CHN1: variants seen among roughly 807,000 people sequenced by gnomAD.
CHN1 encodes the protein N-chimaerin.
A neutral mutation model predicts 59.5 loss-of-function variants in CHN1; 37 were observed. That is an observed-to-expected ratio of 0.62 (90% confidence interval 0.48 to 0.82). CHN1 has a LOEUF of 0.82. Among genes scored for constraint, CHN1 ranks in the 40% least tolerant of loss-of-function variants. CHN1 has a pLI of 0.00. For synonymous variants in CHN1, 206 were observed against 200.4 expected, an observed-to-expected ratio of 1.03 and a Z score of -0.24; for missense variants, 469 against 571.0, an observed-to-expected ratio of 0.82 and a Z score of 1.82.
chr2:174,893,377 T>A (rs1452716537), intron 5 of CHN1, among the ~76,000 whole-genome samples: 1 of 152,034 alleles, frequency 6.6e-6, no homozygotes, highest in East Asian at 1.9e-4. Context: ...TACAAGAGTA[T>A]CAAAAAGAAT....
chr2:174,812,295 T>TGCAA lies in CHN1; in HGVS notation c.886+10_886+13dup. On this transcript the variant is annotated intron_variant, in intron 9 of 12. Coordinates refer to ENST00000409900, the MANE Select transcript of CHN1 (RefSeq NM_001822.7). ...GAACGGAGACCACTGCAACCCGCACTGCAAATGGCTCACCTCTAGACTCAA... is the reference window on the plus strand; with the variant it reads ...GAACGGAGACCACTGCAACCCGCACTGCAAGCAAATGGCTCACCTCTAGACTCAA... 1 of 1,600,310 alleles carries TGCAA rather than the reference T, an allele frequency of 6.2e-7. No homozygotes were observed. Among genetic ancestry groups the TGCAA allele is most frequent in the Non-Finnish European group, 8.5e-7 (1 of 1,170,740 alleles).
chr2:174,873,567 A>G (rs1687473680), intron 6 of CHN1, among the ~76,000 whole-genome samples: 1 of 152,226 alleles, frequency 6.6e-6, no homozygotes, highest in South Asian at 2.1e-4. Flanking sequence ...GACTAAGCCA[A>G]TTAACAAAGC....
chr2:174,848,250 A>C (rs2105438087), intron 6 of CHN1, among the ~76,000 whole-genome samples: 1 of 152,260 alleles, frequency 6.6e-6, no homozygotes, highest in South Asian at 2.1e-4. Flanking sequence ...AGGCCAGGTC[A>C]TAGTGGAAGC....
chr2:174,849,771 T>A (rs771273491), intron 6 of CHN1, among the ~76,000 whole-genome samples: 2 of 152,116 alleles, frequency 1.3e-5, no homozygotes, highest in Non-Finnish European at 2.9e-5. Flanking sequence ...AGGCATAAAT[T>A]ATCTTAATTT....
chr2:174,988,907 A>T (rs1691445409), intron 1 of CHN1, among the ~76,000 whole-genome samples: 2 of 152,210 alleles, frequency 1.3e-5, no homozygotes, highest in African/African-American at 4.8e-5. Context: ...TCTGCATTCA[A>T]ATCGTAAGTC....
chr2:174,919,914 A>T (rs1688958693), intron 3 of CHN1, among the ~76,000 whole-genome samples: 1 of 152,110 alleles, frequency 6.6e-6, no homozygotes, highest in African/African-American at 2.4e-5. Context: ...TCCTTTAACC[A>T]ATATCTCCTG....
intron 5 of CHN1, among the ~76,000 whole-genome samples, chr2:174,905,063 G>A (rs1688505418): frequency 6.6e-6 from 1 of 152,126 alleles, no homozygotes; most frequent in African/African-American, 2.4e-5. Flanking sequence ...ATGCCTGGAA[G>A]AGTAAAGATT....
rs1461277192 is a variant in CHN1 at position 174,834,746 on chromosome 2, CCTAA to C, written c.628-10232_628-10229del. ...GTTTCCTCAAAGTTGACATATCTGT[CCTAA>C]CTAAAATAATCCTCGAAGATATTAA... On this transcript the variant is annotated intron_variant, in intron 7 of 12. Coordinates refer to ENST00000409900, the MANE Select transcript of CHN1 (RefSeq NM_001822.7). 5.3e-5 allele frequency among the ~76,000 whole-genome samples: 8 copies of C among 152,196 alleles called. No individual in the cohort carries two copies. In the South Asian group the frequency reaches 1.5e-3, roughly 28 times the overall value.
intron 8 of CHN1, among the ~76,000 whole-genome samples, chr2:174,821,084 G>A (rs987028210): frequency 2.6e-5 from 4 of 152,150 alleles, no homozygotes; most frequent in African/African-American, 9.7e-5. Context: ...TACAATTGCT[G>A]CTATAACAAA....
intron 2 of CHN1, among the ~76,000 whole-genome samples, chr2:174,948,180 T>G (rs2105408547): frequency 6.6e-6 from 1 of 152,308 alleles, no homozygotes; most frequent in Non-Finnish European, 1.5e-5. Flanking sequence ...GTCTTTTACA[T>G]TTGAGTAGGT....
rs574385498 is a variant in CHN1 at position 174,923,905 on chromosome 2, T to G, written c.115-5340A>C. On this transcript the variant is annotated intron_variant, in intron 3 of 12. Coordinates refer to ENST00000409900, the MANE Select transcript of CHN1 (RefSeq NM_001822.7). ...AAGCACTGATAATTAAGAGTATTTTTATATATAATGAGCACTATATCGAAA... is the reference window on the plus strand; with the variant it reads ...AAGCACTGATAATTAAGAGTATTTTGATATATAATGAGCACTATATCGAAA... 1.8e-3 allele frequency among the ~76,000 whole-genome samples: 278 copies of G among 152,336 alleles called. 1 individual carries two copies. The highest frequency in any genetic ancestry group is 6.3e-3 in the African/African-American group (261 of 41,570).
chr2:174,993,205 T>C (rs1441230777), intron 1 of CHN1, among the ~76,000 whole-genome samples: 1 of 143,048 alleles, frequency 7.0e-6, no homozygotes, highest in South Asian at 2.1e-4. Flanking sequence ...TCCCCCACCC[T>C]TGATGTCTCC....
At chr2:174,981,315 A>T (rs1024639653) in intron 1 of CHN1, among the ~76,000 whole-genome samples, 1 of 152,194 alleles carries the variant, frequency 6.6e-6, no homozygotes, top group Admixed American at 6.5e-5. Context: ...AAGCAGGTAA[A>T]ATTATTGTCA....
chr2:174,978,080 G>A lies in CHN1; in HGVS notation c.20-25878C>T, dbSNP rs13396548. On this transcript the variant is annotated intron_variant, in intron 1 of 12. Transcript: ENST00000409900. ...CTCAAAAATTAATATTGGGCAAAAA[G>A]GACCCTGATGGTATATTACAGTTTA... Among the ~76,000 whole-genome samples the A allele has an allele frequency of 3.7e-3, 568 of 152,210 alleles. 5 individuals are homozygous for A. Among genetic ancestry groups the A allele is most frequent in the African/African-American group, 0.013 (526 of 41,530 alleles).
intron 6 of CHN1, among the ~76,000 whole-genome samples, chr2:174,849,541 T>C (rs1289517028): frequency 6.6e-6 from 1 of 152,180 alleles, no homozygotes; most frequent in East Asian, 1.9e-4. Flanking sequence ...ATAACAAAAA[T>C]TGATAACTCT....
chr2:174,910,089 T>A (rs982903886), intron 5 of CHN1, among the ~76,000 whole-genome samples: 3 of 152,204 alleles, frequency 2.0e-5, no homozygotes, highest in African/African-American at 7.2e-5. Context: ...AAATCTTAAT[T>A]CCTTATTCTC....
intron 5 of CHN1, among the ~76,000 whole-genome samples, chr2:174,882,924 T>C (rs1201704807): frequency 2.0e-5 from 3 of 152,238 alleles, no homozygotes; most frequent in African/African-American, 7.2e-5. Flanking sequence ...CATAGTTATA[T>C]ACAACATTAA....
At chr2:174,883,198 A>AC (rs1270366558) in intron 5 of CHN1, among the ~76,000 whole-genome samples, 1 of 152,220 alleles carries the variant, frequency 6.6e-6, no homozygotes, top group Non-Finnish European at 1.5e-5. Context: ...AAAAGCAGTT[A>AC]GATATTCCTC....
At chr2:174,859,831 A>C (rs142876405) in intron 6 of CHN1, among the ~76,000 whole-genome samples, 213 of 152,262 alleles carry the variant, frequency 1.4e-3, no homozygotes, top group Non-Finnish European at 2.6e-3. Context: ...AAAGACCCAG[A>C]ATCATCAGCA....
Sources: allele counts gnomAD v4.1 joint callset (sites outside exome capture counted in the v4.1 genomes callset), GRCh38; gene constraint gnomAD v4.1.1; transcripts MANE v1.5; gene names NCBI Gene and HGNC (gene_info 2026-07-23, HGNC 2026-07-21).